SMAP1: variants seen among roughly 807,000 people sequenced by gnomAD.
The protein encoded by SMAP1 is small ArfGAP 1.
Under a neutral mutation model 58.5 loss-of-function variants are expected in SMAP1, and 24 were observed. The ratio of observed to expected loss-of-function variants is 0.41; its 90% CI spans 0.30 to 0.58. The LOEUF is 0.58. Ranked by LOEUF, SMAP1 falls within the 20% of genes least tolerant of loss-of-function variation. The pLI, the probability that SMAP1 is intolerant of heterozygous loss-of-function variation, is 0.29. For missense variants in SMAP1, 563 were observed against 566.3 expected (o/e 0.99, Z 0.06); for synonymous variants, 216 against 196.6 (o/e 1.10, Z -0.82).
At chr6:70,763,227 T>G (rs1414132227) in intron 3 of SMAP1, among the ~76,000 whole-genome samples, 2 of 150,620 alleles carry the variant, frequency 1.3e-5, no homozygotes, top group African/African-American at 4.9e-5. Context: ...TGTCACACTT[T>G]GGTAGTTCTT....
intron 1 of SMAP1, chr6:70,694,217 C>A (rs1389181099): frequency 1.8e-5 from 5 of 275,778 alleles, no homozygotes; most frequent in South Asian, 1.2e-4. Flanking sequence ...TAAGGCATCT[C>A]AAGAGATTTA....
chr6:70,740,476 A>C lies in SMAP1; in HGVS notation c.252+7965A>C, dbSNP rs545398969. Among the ~76,000 whole-genome samples the C allele has an allele frequency of 5.9e-3, 482 of 81,982 alleles. 3 individuals carry two copies. Among genetic ancestry groups the C allele is most frequent in the African/African-American group, 0.031 (417 of 13,508 alleles). The allele number at this position is 81,982 out of a possible 152,430, so 53.8% of individuals were successfully genotyped here. A position where few individuals can be genotyped will look rare whatever the true frequency, so the allele number is the denominator to read the frequency against. On this transcript the variant is annotated intron_variant, in intron 2 of 10. Transcript: ENST00000370455. The stretch of plus-strand genomic sequence containing the variant: ...GGGAGACTCCATCTCAAAAAAAAAA[A>C]AACAAAAAAAAAACCCAAGGCCATT...
At chr6:70,701,000 A>G (rs1767604255) in intron 1 of SMAP1, among the ~76,000 whole-genome samples, 1 of 152,116 alleles carries the variant, frequency 6.6e-6, no homozygotes, top group South Asian at 2.1e-4. Context: ...ATGAACTGAT[A>G]TCCAAGTTGC....
intron 1 of SMAP1, among the ~76,000 whole-genome samples, chr6:70,690,041 T>C (rs183399997): frequency 6.6e-6 from 1 of 152,332 alleles, no homozygotes; most frequent in East Asian, 1.9e-4. Flanking sequence ...ATACCTTTTA[T>C]TTCCTTTTTC....
chr6:70,697,479 T>G (rs1368903598), intron 1 of SMAP1, among the ~76,000 whole-genome samples: 4 of 152,082 alleles, frequency 2.6e-5, no homozygotes, highest in Non-Finnish European at 5.9e-5. Flanking sequence ...CTAATTTTTT[T>G]GTATTTTTAG....
intron 1 of SMAP1, among the ~76,000 whole-genome samples, chr6:70,693,124 C>T (rs117052443): frequency 0.01 from 1,591 of 152,050 alleles, 13 homozygotes; most frequent in Non-Finnish European, 0.016. Context: ...GTTTTGGTTA[C>T]TATAGCTATG....
intron 5 of SMAP1, among the ~76,000 whole-genome samples, chr6:70,794,100 TC>T: frequency 6.6e-6 from 1 of 152,334 alleles, no homozygotes; most frequent in Non-Finnish European, 1.5e-5. Context: ...CTTACCTCCA[TC>T]TTACTGGACT....
rs775942332 is a variant in SMAP1, at chr6:70,668,104, G to A, written c.81G>A (p.Glu27=). The change falls in exon 1 of 11, where the codon GAG becomes GAA. Residue 27 remains glutamate (E), a synonymous_variant. Transcript: ENST00000370455. The stretch of plus-strand genomic sequence containing the variant: ...TCATCCTATCCAAGCTTCTGAGGGA[G>A]GAGGACAACAAGTACTGCGCCGACT... ...HQLILSKLLR[E]EDNKYCADCE... is the part of the protein sequence containing the mutation. 127 of 1,603,790 alleles carry A rather than the reference G, an allele frequency of 7.9e-5. No individual in the cohort carries two copies. Among genetic ancestry groups the A allele is most frequent in the East Asian group, 5.3e-4 (23 of 43,684 alleles).
chr6:70,815,456 T>TA (rs1238566547), intron 6 of SMAP1, among the ~76,000 whole-genome samples: 2 of 152,174 alleles, frequency 1.3e-5, no homozygotes, highest in African/African-American at 4.8e-5. Flanking sequence ...GGACTATGTA[T>TA]GTAAGATGTG....
At chr6:70,857,734 G>C in intron 9 of SMAP1, 188 bp from the exon 10 acceptor site, 1 of 596,960 alleles carries the variant, frequency 1.7e-6, no homozygotes, top group East Asian at 2.8e-5. Flanking sequence ...TAACTGATTT[G>C]TCTGCATCCT....
intron 1 of SMAP1, among the ~76,000 whole-genome samples, chr6:70,707,569 ATAT>A (rs1165404939): frequency 1.3e-5 from 2 of 152,146 alleles, no homozygotes; most frequent in Non-Finnish European, 2.9e-5. Flanking sequence ...CTGAAACCTA[ATAT>A]TGTTAATGTA....
rs745587315 is a variant in SMAP1, at chr6:70,725,093, GTTTTTTT to G, written c.119-7250_119-7244del. ...GACTCCATATCCTAAATTAACCAGTGTTTTTTTTTTTTTTTTTTTTTTTTTTTTTTTT... is the reference window on the plus strand; with the variant it reads ...GACTCCATATCCTAAATTAACCAGTGTTTTTTTTTTTTTTTTTTTTTTTTT... On this transcript the variant is annotated intron_variant, in intron 1 of 10. Transcript: ENST00000370455. Among the ~76,000 whole-genome samples the G allele has an allele frequency of 6.4e-3, 308 of 47,756 alleles. 4 individuals carry two copies. Among genetic ancestry groups the G allele is most frequent in the South Asian group, 0.015 (20 of 1,324 alleles). The allele number at this position is 47,756 out of a possible 152,430, so 31.3% of individuals were successfully genotyped here. A position where few individuals can be genotyped will look rare whatever the true frequency, so the allele number is the denominator to read the frequency against.
chr6:70,674,142 T>A (rs1289401578), intron 1 of SMAP1, among the ~76,000 whole-genome samples: 3 of 151,814 alleles, frequency 2.0e-5, no homozygotes, highest in Non-Finnish European at 2.9e-5. Context: ...TTCTTTTTGG[T>A]ACAGGGTCTC....
chr6:70,839,816 CAG>C (rs1304069534), intron 7 of SMAP1, among the ~76,000 whole-genome samples: 1 of 152,084 alleles, frequency 6.6e-6, no homozygotes, highest in Non-Finnish European at 1.5e-5. Context: ...AAAATATTTT[CAG>C]ACTTTTTTTT....
chr6:70,684,098 G>C (rs1404495639), intron 1 of SMAP1, among the ~76,000 whole-genome samples: 1 of 152,202 alleles, frequency 6.6e-6, no homozygotes, highest in African/African-American at 2.4e-5. Context: ...TTGGTTATCA[G>C]AGTGAGCAAG....
At chr6:70,774,363 G>T (rs1582159276) in intron 4 of SMAP1, among the ~76,000 whole-genome samples, 1 of 152,042 alleles carries the variant, frequency 6.6e-6, no homozygotes, top group East Asian at 1.9e-4. Context: ...TTTGGACTTT[G>T]ATTCCTAGAT....
At chr6:70,859,154 T>C in intron 10 of SMAP1, 1 of 520,074 alleles carries the variant, frequency 1.9e-6, no homozygotes, top group South Asian at 2.8e-5. Flanking sequence ...TCACAGTTAA[T>C]TTTGCTACCA....
intron 3 of SMAP1, among the ~76,000 whole-genome samples, chr6:70,760,935 C>T (rs879399230): frequency 6.6e-6 from 1 of 151,946 alleles, no homozygotes; most frequent in Admixed American, 6.6e-5. Flanking sequence ...TTAAGCTTTT[C>T]ATTATTAGGA....
intron 2 of SMAP1, among the ~76,000 whole-genome samples, chr6:70,750,210 T>A (rs1766217789): frequency 6.6e-6 from 1 of 152,196 alleles, no homozygotes; most frequent in South Asian, 2.1e-4. Flanking sequence ...GGAGATGCCC[T>A]GTTGACATAA....
Sources: allele counts gnomAD v4.1 joint callset (sites outside exome capture counted in the v4.1 genomes callset), GRCh38; gene constraint gnomAD v4.1.1; transcripts MANE v1.5; gene names NCBI Gene and HGNC (gene_info 2026-07-23, HGNC 2026-07-21).